Variants in RNGTT observed in about 807,000 individuals in gnomAD.
RNGTT encodes mRNA-capping enzyme.
In RNGTT, 33 loss-of-function variants were observed where a neutral mutation model predicts 79.3. That is an observed-to-expected ratio of 0.42 (90% CI 0.32 to 0.56). RNGTT has a LOEUF of 0.56. Among genes scored for constraint, RNGTT ranks in the 20% least tolerant of loss-of-function variants. The pLI, the probability that RNGTT is intolerant of heterozygous loss-of-function variation, is 0.17. For synonymous variants in RNGTT, 222 were observed against 235.9 expected (o/e 0.94, Z 0.54); for missense variants, 497 against 739.1 (o/e 0.67, Z 3.80).
intron 8 of RNGTT, 150 bp from the exon 9 acceptor site, chr6:88,853,914 A>C (rs984198944): frequency 3.6e-5 from 16 of 444,182 alleles, no homozygotes; most frequent in Non-Finnish European, 5.9e-5. Flanking sequence ...AAGTATCACA[A>C]ATAATAATTT....
At chr6:88,715,836 C>A (rs1288992930) in intron 13 of RNGTT, among the ~76,000 whole-genome samples, 1 of 152,142 alleles carries the variant, frequency 6.6e-6, no homozygotes, top group Non-Finnish European at 1.5e-5. Context: ...TAAAGACTTA[C>A]ATGTTAGACC....
intron 13 of RNGTT, among the ~76,000 whole-genome samples, chr6:88,767,217 GA>G (rs1778491369): frequency 6.6e-6 from 1 of 151,992 alleles, no homozygotes. Context: ...TCACCTTAGA[GA>G]AACATTTGGA....
chr6:88,613,806 T>C (rs1197893932), intron 15 of RNGTT, among the ~76,000 whole-genome samples: 1 of 152,252 alleles, frequency 6.6e-6, no homozygotes, highest in Non-Finnish European at 1.5e-5. Flanking sequence ...AAGAACACTC[T>C]GAAGAATAGC....
intron 1 of RNGTT, among the ~76,000 whole-genome samples, chr6:88,951,284 TAGCCCC>T (rs1264407175): frequency 6.6e-6 from 1 of 152,222 alleles, no homozygotes; most frequent in Non-Finnish European, 1.5e-5. Context: ...ATATGGAATC[TAGCCCC>T]AGTTAAGATG....
At chr6:88,680,888 T>C (rs1775069206) in intron 13 of RNGTT, among the ~76,000 whole-genome samples, 2 of 152,148 alleles carry the variant, frequency 1.3e-5, no homozygotes, top group South Asian at 2.1e-4. Context: ...ATTTGAAACA[T>C]ACTGTTGATG....
chr6:88,940,332 G>A (rs1393814866), intron 2 of RNGTT, among the ~76,000 whole-genome samples: 1 of 152,158 alleles, frequency 6.6e-6, no homozygotes, highest in Non-Finnish European at 1.5e-5. Context: ...ACCTGCCTCA[G>A]CATCCCAAAG....
chr6:88,797,414 G>T (rs1779634053), intron 12 of RNGTT, among the ~76,000 whole-genome samples: 1 of 152,122 alleles, frequency 6.6e-6, no homozygotes, highest in African/African-American at 2.4e-5. Context: ...AGTCAAAAAA[G>T]TAGGGAAATC....
intron 14 of RNGTT, among the ~76,000 whole-genome samples, chr6:88,664,431 C>T (rs572024565): frequency 1.1e-3 from 160 of 152,224 alleles, no homozygotes; most frequent in African/African-American, 3.6e-3. Flanking sequence ...GGTATGAATA[C>T]GTCGCCAATT....
chr6:88,843,149 C>CAAA (rs34225763), intron 11 of RNGTT, among the ~76,000 whole-genome samples: 4 of 129,368 alleles, frequency 3.1e-5, no homozygotes, highest in South Asian at 2.5e-4. Context: ...GCCTACAGAT[C>CAAA]AAAAAAAAAA....
chr6:88,692,568 T>A (rs953216897), intron 13 of RNGTT, among the ~76,000 whole-genome samples: 1 of 151,938 alleles, frequency 6.6e-6, no homozygotes, highest in African/African-American at 2.4e-5. Flanking sequence ...GATATAAATT[T>A]ATAGAAAATG....
chr6:88,785,085 A>G (rs1388875162), intron 12 of RNGTT, among the ~76,000 whole-genome samples: 2 of 152,128 alleles, frequency 1.3e-5, no homozygotes, highest in African/African-American at 4.8e-5. Context: ...TTAAAAATCT[A>G]CCATTAATGT....
chr6:88,674,637 C>G (rs1286412940), intron 14 of RNGTT, among the ~76,000 whole-genome samples: 1 of 151,960 alleles, frequency 6.6e-6, no homozygotes, highest in Non-Finnish European at 1.5e-5. Context: ...CTGAAAAATC[C>G]TTATTTTTCA....
At chr6:88,941,274 A>T in intron 1 of RNGTT, 94 bp from the exon 2 acceptor site, 1 of 878,770 alleles carries the variant, frequency 1.1e-6, no homozygotes, top group African/African-American at 1.7e-5. Flanking sequence ...CCTTCTTAAA[A>T]CCTTTTTTTT....
At chr6:88,890,373 C>A in intron 8 of RNGTT, 122 bp downstream of exon 8, 1 of 634,788 alleles carries the variant, frequency 1.6e-6, no homozygotes. Flanking sequence ...ATTTTTGAAA[C>A]ATTTATTTTG....
At chr6:88,803,383 G>A (rs550241261) in intron 11 of RNGTT, among the ~76,000 whole-genome samples, 1 of 152,030 alleles carries the variant, frequency 6.6e-6, no homozygotes, top group Admixed American at 6.5e-5. Flanking sequence ...AGACCAGCCT[G>A]TCCAATATGG....
In RNGTT at chr6:88,876,447, C is replaced by T. The variant is rs529334720; in HGVS notation, c.896+14048G>A. 2.0e-3 allele frequency among the ~76,000 whole-genome samples: 299 copies of T among 152,156 alleles called. 2 individuals are homozygous for T. The highest frequency in any genetic ancestry group is 3.1e-3 in the Non-Finnish European group (209 of 67,980). ...TACTCTGGAGGCTGAGGTGGGAGGTCGAGGCTGCAGTGAGGCATGAGTGTG... is the reference window on the plus strand; with the variant it reads ...TACTCTGGAGGCTGAGGTGGGAGGTTGAGGCTGCAGTGAGGCATGAGTGTG... On this transcript the variant is annotated intron_variant, in intron 8 of 15. Transcript: ENST00000369485.
intron 8 of RNGTT, among the ~76,000 whole-genome samples, chr6:88,875,302 A>G (rs1348699530): frequency 6.6e-6 from 1 of 152,116 alleles, no homozygotes; most frequent in Non-Finnish European, 1.5e-5. Context: ...AAGAAGATGA[A>G]GGTATAATGT....
chr6:88,843,878 T>C (rs1312830702), intron 11 of RNGTT, among the ~76,000 whole-genome samples: 3 of 150,568 alleles, frequency 2.0e-5, no homozygotes, highest in Admixed American at 1.3e-4. Flanking sequence ...TCATTTTAAG[T>C]GGAAACAACA....
At chr6:88,788,695 A>G (rs1408582742) in intron 12 of RNGTT, among the ~76,000 whole-genome samples, 1 of 152,216 alleles carries the variant, frequency 6.6e-6, no homozygotes, top group Non-Finnish European at 1.5e-5. Context: ...ACTTCACAGA[A>G]ACCTAGAACA....
Sources: allele counts gnomAD v4.1 joint callset (sites outside exome capture counted in the v4.1 genomes callset), GRCh38; gene constraint gnomAD v4.1.1; transcripts MANE v1.5; gene names NCBI Gene and HGNC (gene_info 2026-07-23, HGNC 2026-07-21).